The following PRKG1 variants were observed in gnomAD, a reference collection of about 807,000 sequenced individuals.
PRKG1 encodes the protein protein kinase cGMP-dependent 1.
In PRKG1, 35 loss-of-function variants were observed where a neutral mutation model predicts 88.1. That is an observed-to-expected ratio of 0.40 (90% confidence interval 0.30 to 0.53). PRKG1 has a LOEUF of 0.53. Ranked by LOEUF, PRKG1 falls within the 20% of genes least tolerant of loss-of-function variation. The pLI, the probability that PRKG1 is intolerant of heterozygous loss-of-function variation, is 0.59. For synonymous variants in PRKG1, 303 were observed against 292.5 expected, an observed-to-expected ratio of 1.04 and a Z score of -0.37; for missense variants, 540 against 839.8, an observed-to-expected ratio of 0.64 and a Z score of 4.41.
At chr10:51,485,177 C>A (rs1049345789) in intron 3 of PRKG1, among the ~76,000 whole-genome samples, 1 of 151,992 alleles carries the variant, frequency 6.6e-6, no homozygotes, top group African/African-American at 2.4e-5. Context: ...TGCCAATTAC[C>A]TTTTATTTTT....
intron 3 of PRKG1, among the ~76,000 whole-genome samples, chr10:51,570,660 G>T (rs946678159): frequency 1.3e-5 from 2 of 151,070 alleles, no homozygotes; most frequent in African/African-American, 4.9e-5. Flanking sequence ...TTGACCTGTC[G>T]AATTTTCTCT....
intron 2 of PRKG1, among the ~76,000 whole-genome samples, chr10:51,308,324 T>C (rs1841092037): frequency 6.6e-6 from 1 of 152,166 alleles, no homozygotes; most frequent in Admixed American, 6.6e-5. Flanking sequence ...CACTATTTAG[T>C]CTCTGGTGAT....
At chr10:51,524,821 C>A (rs1841835003) in intron 3 of PRKG1, among the ~76,000 whole-genome samples, 1 of 152,206 alleles carries the variant, frequency 6.6e-6, no homozygotes, top group Non-Finnish European at 1.5e-5. Context: ...CAGATTCCTA[C>A]TTAAAATACT....
intron 2 of PRKG1, among the ~76,000 whole-genome samples, chr10:51,309,344 A>G (rs1171195402): frequency 6.6e-6 from 1 of 152,220 alleles, no homozygotes; most frequent in Non-Finnish European, 1.5e-5. Context: ...TGCATCCAAC[A>G]GAAAACTAAT....
intron 5 of PRKG1, among the ~76,000 whole-genome samples, chr10:51,961,376 T>C (rs1005947018): frequency 7.1e-6 from 1 of 140,750 alleles, no homozygotes; most frequent in Non-Finnish European, 1.6e-5. Flanking sequence ...GAGGGCCCAC[T>C]GTATTTATTG....
intron 2 of PRKG1, among the ~76,000 whole-genome samples, chr10:51,214,781 A>AG (rs1414599736): frequency 6.6e-6 from 1 of 152,090 alleles, no homozygotes; most frequent in East Asian, 1.9e-4. Flanking sequence ...TCAGGCCCGG[A>AG]GAACAGCTGT....
chr10:51,502,630 T>TA (rs138908667), intron 3 of PRKG1, among the ~76,000 whole-genome samples: 37 of 152,282 alleles, frequency 2.4e-4, no homozygotes, highest in Non-Finnish European at 4.7e-4. Context: ...CTCTGAGCTT[T>TA]AATTCCTTAG....
intron 1 of PRKG1, among the ~76,000 whole-genome samples, chr10:51,141,314 T>G (rs1401946307): frequency 6.6e-6 from 1 of 152,200 alleles, no homozygotes; most frequent in African/African-American, 2.4e-5. Context: ...TGCCTAAACT[T>G]CTTTATTGCT....
At chr10:51,819,531 G>A (rs1012558928) in intron 4 of PRKG1, among the ~76,000 whole-genome samples, 1 of 152,094 alleles carries the variant, frequency 6.6e-6, no homozygotes, top group African/African-American at 2.4e-5. Flanking sequence ...GTCTTATCCT[G>A]ATCTCACCTG....
intron 2 of PRKG1, among the ~76,000 whole-genome samples, chr10:51,232,737 C>T (rs1247021873): frequency 6.6e-6 from 1 of 152,068 alleles, no homozygotes; most frequent in Non-Finnish European, 1.5e-5. Flanking sequence ...AAATTGAGTG[C>T]AAATTCTTGT....
intron 3 of PRKG1, among the ~76,000 whole-genome samples, chr10:51,701,768 A>G (rs1315059931): frequency 6.6e-6 from 1 of 152,206 alleles, no homozygotes; most frequent in Non-Finnish European, 1.5e-5. Flanking sequence ...ATGGGGTATT[A>G]TAATATGTTG....
Position 51,335,644 on chromosome 10 carries a change from G to A in PRKG1, c.479-132079G>A, listed in dbSNP as rs563597522. ...CCTCCAAGGTTCAAGTGATTCTCCC[G>A]CCCCAGCCTCCTGAGTAGCTGGGAT... On this transcript the variant is annotated intron_variant, in intron 2 of 17. Coordinates refer to ENST00000373980, the MANE Select transcript of PRKG1 (RefSeq NM_006258.4). 5.9e-4 allele frequency among the ~76,000 whole-genome samples: 89 copies of A among 152,064 alleles called. No homozygotes were observed. In the South Asian group the frequency reaches 0.014, roughly 23 times the overall value.
At chr10:52,060,202 T>C (rs1846205699) in intron 6 of PRKG1, among the ~76,000 whole-genome samples, 1 of 151,828 alleles carries the variant, frequency 6.6e-6, no homozygotes, top group Admixed American at 6.6e-5. Context: ...TGGTTATGCA[T>C]AGGGACATAA....
At chr10:51,666,419 A>G (rs963275403) in intron 3 of PRKG1, among the ~76,000 whole-genome samples, 3 of 152,232 alleles carry the variant, frequency 2.0e-5, no homozygotes, top group African/African-American at 7.2e-5. Flanking sequence ...AAGATTCTCT[A>G]GTGGTTTGAG....
At chr10:52,226,172 A>G (rs1291408908) in intron 9 of PRKG1, among the ~76,000 whole-genome samples, 1 of 152,108 alleles carries the variant, frequency 6.6e-6, no homozygotes, top group Non-Finnish European at 1.5e-5. Flanking sequence ...TGCTGAAAAC[A>G]TAGACAATTT....
intron 5 of PRKG1, among the ~76,000 whole-genome samples, chr10:51,918,583 C>A (rs763370631): frequency 6.6e-6 from 1 of 152,118 alleles, no homozygotes; most frequent in Admixed American, 6.6e-5. Flanking sequence ...GGAAAGTGTT[C>A]GAAATGGTTG....
At chr10:52,033,646 A>C (rs1845526569) in intron 5 of PRKG1, among the ~76,000 whole-genome samples, 1 of 152,154 alleles carries the variant, frequency 6.6e-6, no homozygotes, top group Admixed American at 6.5e-5. Context: ...CTGAATTCAG[A>C]AACTCTAAAG....
At chr10:51,369,006 A>G (rs957339051) in intron 2 of PRKG1, among the ~76,000 whole-genome samples, 1 of 152,110 alleles carries the variant, frequency 6.6e-6, no homozygotes, top group Non-Finnish European at 1.5e-5. Context: ...CACCAGAAAA[A>G]AATCTTAGAA....
At chr10:51,143,208 C>G (rs1845862820) in intron 1 of PRKG1, among the ~76,000 whole-genome samples, 3 of 152,030 alleles carry the variant, frequency 2.0e-5, no homozygotes, top group Non-Finnish European at 4.4e-5. Context: ...TTTAAGATTC[C>G]ACATATGAGT....
Sources: gnomAD v4.1 joint callset for allele counts (sites outside exome capture counted in the v4.1 genomes callset) on GRCh38, gnomAD v4.1.1 for gene constraint, MANE v1.5 for transcripts, NCBI Gene and HGNC (gene_info 2026-07-23, HGNC 2026-07-21) for gene names.